The following SPACA6 variants were observed in gnomAD, a reference collection of about 807,000 sequenced individuals.
SPACA6 encodes the protein sperm acrosome membrane-associated protein 6.
For missense variants in SPACA6, 8 were observed against 2.8 expected (o/e 2.88, Z -1.34); for synonymous variants, 6 against 1.5 (o/e 4.05, Z -2.21).
upstream of SPACA6, chr19:51,686,262 T>A (rs952673131): frequency 1.3e-5 from 2 of 152,190 alleles, no homozygotes; most frequent in Admixed American, 1.3e-4. Flanking sequence ...TATTCACTCA[T>A]CTCCTCATTC....
chr19:51,709,627 A>AG (rs897659380), downstream of SPACA6, among the ~76,000 whole-genome samples: 7 of 151,556 alleles, frequency 4.6e-5, no homozygotes, highest in Non-Finnish European at 5.9e-5. Context: ...AAAAAAAAAA[A>AG]AAAAGAAAAG....
upstream of SPACA6, chr19:51,693,202 T>A: frequency 1.8e-6 from 1 of 570,278 alleles, no homozygotes; most frequent in Non-Finnish European, 3.4e-6. Context: ...TCTGTGCCTA[T>A]CTCCATCTCT....
intron 2 of SPACA6, among the ~76,000 whole-genome samples, chr19:51,696,570 C>T (rs574753111): frequency 1.3e-5 from 2 of 152,184 alleles, no homozygotes; most frequent in South Asian, 4.1e-4. Flanking sequence ...GCCTCAGCCT[C>T]CCAAGTAGCT....
upstream of SPACA6, chr19:51,692,647 C>T (rs761330271): frequency 9.4e-6 from 5 of 531,902 alleles, no homozygotes; most frequent in East Asian, 5.5e-5. The surrounding 1 kb of genome is among the most constrained non-coding windows in gnomAD (Gnocchi z 5.6). Flanking sequence ...GCGGGGCCTT[C>T]GCCGCACACA....
chr19:51,709,627 AAAAAG>A (rs993377800), downstream of SPACA6, among the ~76,000 whole-genome samples: 3 of 151,446 alleles, frequency 2.0e-5, no homozygotes, highest in Non-Finnish European at 1.5e-5. Flanking sequence ...AAAAAAAAAA[AAAAAG>A]AAAAGAAATA....
Position 51,704,140 on chromosome 19 carries a change from C to G in SPACA6, c.684C>G (p.Ile228Met), listed in dbSNP as rs528875104. The G allele has an allele frequency of 4.7e-5, 19 of 401,188 alleles. No homozygotes were observed. In the South Asian group the frequency reaches 2.3e-3, roughly 48 times the overall value. The allele number at this position is 401,188 out of a possible 1,614,324, so 24.9% of individuals were successfully genotyped here. A position where few individuals can be genotyped will look rare whatever the true frequency, so the allele number is the denominator to read the frequency against. ...ACCGCGGGACGTTCTCCTGCGTGAT[C>G]AAGCAAGACCAGCGCCCCCTGGCCC... ...LTHRGTFSCV[I>M]KQDQRPLARL... The change falls in exon 7 of 9, where the codon ATC (isoleucine) becomes ATG (methionine). Residue 228 changes from isoleucine to methionine, a missense_variant. Physicochemically the swap from Ile to Met is conservative, Grantham distance 10 (BLOSUM62 1). Transcript: ENST00000637797.
At chr19:51,692,439 C>T (rs1368932365), upstream of SPACA6, among the ~76,000 whole-genome samples, 8 of 152,010 alleles carry the variant, frequency 5.3e-5, no homozygotes, top group Non-Finnish European at 1.2e-4. The surrounding 1 kb of genome is among the most constrained non-coding windows in gnomAD (Gnocchi z 5.6). Flanking sequence ...AGAAAAGGGC[C>T]AGAGGCCTGG....
Position 51,703,742 on chromosome 19 carries a change from G to C in SPACA6, c.574-288G>C, listed in dbSNP as rs1326141388. Among the ~76,000 whole-genome samples, 1 of 152,088 alleles carries C rather than the reference G, an allele frequency of 6.6e-6. No homozygotes were observed. Among genetic ancestry groups the C allele is most frequent in the Non-Finnish European group, 1.5e-5 (1 of 67,998 alleles). Reference sequence around the variant, plus strand: ...AAGTCCAGGAGTTTGAGGCTGCAGTGAGCTATGATCGCGCCACTGCACTGC... The same window carrying C: ...AAGTCCAGGAGTTTGAGGCTGCAGTCAGCTATGATCGCGCCACTGCACTGC... On this transcript the variant is annotated intron_variant, in intron 6 of 8. Coordinates refer to ENST00000637797, the MANE Select transcript of SPACA6 (RefSeq NM_001316972.2). This position sits in a 1 kb window ranked among gnomAD's most constrained non-coding sequence, Gnocchi z 4.2.
At chr19:51,706,234 CTT>C (rs973894828), downstream of SPACA6, among the ~76,000 whole-genome samples, 7 of 152,138 alleles carry the variant, frequency 4.6e-5, no homozygotes, top group Non-Finnish European at 1.0e-4. Context: ...CATGATACTT[CTT>C]GCCCTCTCTA....
At chr19:51,688,953 A>AGAGG (rs902083508), upstream of SPACA6, among the ~76,000 whole-genome samples, 2 of 150,380 alleles carry the variant, frequency 1.3e-5, no homozygotes, top group East Asian at 2.0e-4. Context: ...AGAGAGGGAG[A>AGAGG]GAGAGAGCGA....
chr19:51,699,268 C>G (rs530438103), intron 2 of SPACA6, among the ~76,000 whole-genome samples: 1 of 152,288 alleles, frequency 6.6e-6, no homozygotes, highest in African/African-American at 2.4e-5. Flanking sequence ...CTCAGCCTCC[C>G]GAGTAGCTGT....
chr19:51,706,887 C>T (rs1391207200), downstream of SPACA6, among the ~76,000 whole-genome samples: 1 of 152,100 alleles, frequency 6.6e-6, no homozygotes, highest in Non-Finnish European at 1.5e-5. Flanking sequence ...TCAAACTCCT[C>T]ACCTCAGGTG....
At position 51,693,380 on chromosome 19, in the gene SPACA6, C is replaced by G; in HGVS notation, c.-147C>G. 2 of 702,790 alleles carry G rather than the reference C, an allele frequency of 2.8e-6. No homozygotes were observed. The highest frequency in any genetic ancestry group is 1.5e-5 in the South Asian group (1 of 66,258). The allele number at this position is 702,790 out of a possible 1,614,324, so 43.5% of individuals were successfully genotyped here. A position where few individuals can be genotyped will look rare whatever the true frequency, so the allele number is the denominator to read the frequency against. The stretch of plus-strand genomic sequence containing the variant: ...GGAATTGCTGGCCTGACTTCTGACC[C>G]CTGACTCCTCATACCCTTCCTCCAG... On this transcript the variant is annotated 5_prime_UTR_variant, in exon 1 of 9. Coordinates refer to ENST00000637797, the MANE Select transcript of SPACA6 (RefSeq NM_001316972.2).
chr19:51,700,999 A>G (rs2083464320), intron 2 of SPACA6, among the ~76,000 whole-genome samples: 2 of 152,148 alleles, frequency 1.3e-5, no homozygotes, highest in Non-Finnish European at 2.9e-5. Context: ...AGGTGGGTGG[A>G]TCACTTGAGG....
chr19:51,711,287 TG>T (rs2083540147), intron 2 of SPACA6, among the ~76,000 whole-genome samples: 1 of 152,126 alleles, frequency 6.6e-6, no homozygotes, highest in African/African-American at 2.4e-5. Flanking sequence ...TAAGAGTTAA[TG>T]GAAGTCAACA....
At chr19:51,685,017 T>C (rs1568610646), upstream of SPACA6, among the ~76,000 whole-genome samples, 1 of 152,246 alleles carries the variant, frequency 6.6e-6, no homozygotes, top group Non-Finnish European at 1.5e-5. Flanking sequence ...AAGGATTCTC[T>C]GCTACTTTGA....
chr19:51,694,292 C>T lies in SPACA6; in HGVS notation c.215-186C>T, dbSNP rs139192287. The T allele has an allele frequency of 1.2e-3, 323 of 278,446 alleles. 6 individuals carry two copies. Among genetic ancestry groups the T allele is most frequent in the African/African-American group, 8.0e-3 (294 of 36,650 alleles). 17.2% of individuals were successfully genotyped at this position (278,446 alleles called of 1,614,324 possible). A position where few individuals can be genotyped will look rare whatever the true frequency, so the allele number is the denominator to read the frequency against. ...AAGCAGGATAGCGACTGGTCGGGGG[C>T]AGAGACTCAGGGAGGATAGAGACTT... On this transcript the variant is annotated intron_variant, in intron 1 of 8. Transcript: ENST00000637797.
rs186355450 is a variant in SPACA6, at chr19:51,693,907, G to A, written c.214+167G>A. ...ACTTAGGGACAGAGAGACACAGACA[G>A]GGGAAGACAGCAGGGCAAAGACTCA... On this transcript the variant is annotated intron_variant, in intron 1 of 8. Coordinates refer to ENST00000637797, the MANE Select transcript of SPACA6 (RefSeq NM_001316972.2). 2.0e-5 allele frequency: 8 copies of A among 391,090 alleles called. No homozygotes were observed. The Admixed American group carries it at 3.6e-4, about 17-fold the overall frequency. The allele number at this position is 391,090 out of a possible 1,614,324, so 24.2% of individuals were successfully genotyped here. A position where few individuals can be genotyped will look rare whatever the true frequency, so the allele number is the denominator to read the frequency against.
At chr19:51,685,926 T>C (rs1371414794), upstream of SPACA6, 1 of 152,250 alleles carries the variant, frequency 6.6e-6, no homozygotes, top group East Asian at 1.9e-4. Context: ...TTTTGGAGCA[T>C]TTCAGATTCG....
Sources: allele counts gnomAD v4.1 joint callset (sites outside exome capture counted in the v4.1 genomes callset), GRCh38; gene constraint gnomAD v4.1.1; non-coding constraint Gnocchi (gnomAD v3.1); transcripts MANE v1.5; gene names NCBI Gene and HGNC (gene_info 2026-07-23, HGNC 2026-07-21).